Variants in HNRNPU observed in about 807,000 individuals in gnomAD.
HNRNPU encodes the protein heterogeneous nuclear ribonucleoprotein U, also known as HNRNPU antisense RNA 1.
In HNRNPU, 5 loss-of-function variants were observed where a neutral mutation model predicts 94.7. The ratio of observed to expected loss-of-function variants is 0.05; its 90% CI spans 0.03 to 0.11. The LOEUF is 0.11. Ranked by LOEUF, HNRNPU falls within the 10% of genes least tolerant of loss-of-function variation. The probability of loss-of-function intolerance (pLI) is 1.00; values close to 1 mark genes in which losing one functional copy is unlikely to be tolerated. For synonymous variants in HNRNPU, 434 were observed against 381.6 expected, an observed-to-expected ratio of 1.14 and a Z score of -1.60; for missense variants, 710 against 1,049.2, an observed-to-expected ratio of 0.68 and a Z score of 4.47.
chr1:244,862,031 G>A (rs1680843912), intron 3 of HNRNPU: 1 of 154,514 alleles, frequency 6.5e-6, no homozygotes, highest in Admixed American at 6.5e-5. Flanking sequence ...TTTTAAAATA[G>A]GGAATATACT....
chr1:244,855,112 A>C, intron 12 of HNRNPU, 68 bp from the exon 13 acceptor site: 1 of 1,257,054 alleles, frequency 8.0e-7, no homozygotes, highest in Non-Finnish European at 1.2e-6. Flanking sequence ...GGGGTGAGAG[A>C]GAGGAGCAGA....
rs1225658657 is a variant in HNRNPU at position 244,864,069 on chromosome 1, G to A, written c.239C>T (p.Ala80Val). The A allele has an allele frequency of 6.2e-7, 1 of 1,602,258 alleles. No homozygotes were observed. The highest frequency in any genetic ancestry group is 1.1e-5 in the South Asian group (1 of 89,954). The change falls in exon 1 of 14, where the codon GCC becomes GTC. Residue 80 changes from alanine to valine, a missense_variant. Physicochemically the swap from Ala to Val is moderately conservative, Grantham distance 64. This residue lies in a region of HNRNPU where 292 missense variants were observed against 293.4 expected (regional missense o/e 1.00). Coordinates refer to ENST00000640218, the MANE Select transcript of HNRNPU (RefSeq NM_031844.3). ...SGAGLEQEAAAGGDEEEEEEE... is the reference protein window; with the variant it reads ...SGAGLEQEAAVGGDEEEEEEE... ...TTCCTCCTCCTCTTCATCGCCGCCG[G>A]CCGCGGCCTCCTGCTCGAGGCCTGC... is the stretch of plus-strand genomic sequence containing the variant.
At chr1:244,862,785 T>C in intron 1 of HNRNPU, 55 bp from the exon 2 acceptor site, 1 of 1,352,038 alleles carries the variant, frequency 7.4e-7, no homozygotes, top group Non-Finnish European at 1.1e-6. Flanking sequence ...AAAAAAACGC[T>C]TTTCCGTTCC....
At chr1:244,857,057 G>C (rs917115988) in intron 8 of HNRNPU, 4 of 448,172 alleles carry the variant, frequency 8.9e-6, no homozygotes, top group African/African-American at 4.1e-5. Context: ...TTAGCTGCTA[G>C]ATGTTAAGAG....
chr1:244,855,533 C>G lies in HNRNPU; in HGVS notation c.2243G>C (p.Gly748Ala). The stretch of plus-strand genomic sequence containing the variant: ...GGCACGAGGGTATGGATAGCCGATT[C>G]CACCACTTCCTCCACCGCCACCACC... ...QRGGGGGGSG[G>A]IGYPYPRAPV... The change falls in exon 12 of 14, where the codon GGA (glycine) becomes GCA (alanine). Residue 748 changes from glycine to alanine, a missense_variant. Gly to Ala is a moderately conservative substitution (Grantham distance 60). Coordinates refer to ENST00000640218, the MANE Select transcript of HNRNPU (RefSeq NM_031844.3). 1 of 1,614,044 alleles carries G rather than the reference C, an allele frequency of 6.2e-7. No individual in the cohort carries two copies. Among genetic ancestry groups the G allele is most frequent in the Non-Finnish European group, 8.5e-7 (1 of 1,179,944 alleles).
chr1:244,857,747 C>T lies in HNRNPU; in HGVS notation c.1495-30G>A, dbSNP rs781495320. The T allele has an allele frequency of 5.0e-6, 8 of 1,607,390 alleles. No homozygotes were observed. The South Asian group carries it at 7.8e-5, about 16-fold the overall frequency. ...TGAAAAGAAAAGAAATGTCATTTCA[C>T]TGTCAGTAGACACCACCTAATAATT... is the stretch of plus-strand genomic sequence containing the variant. On this transcript the variant is annotated intron_variant, in intron 7 of 13. Transcript: ENST00000640218.
Position 244,858,777 on chromosome 1 carries a change from T to G in HNRNPU, c.1182A>C (p.Glu394Asp). ...TTTCATCAAACTTTTCTCCATAATC[T>G]TCAGTCTCACAGTTGCATGTTTTTA... is the stretch of plus-strand genomic sequence containing the variant. ...KGIKTCNCET[E>D]DYGEKFDEND... Residue 394 changes from glutamate (E) to aspartate (D), a missense_variant, in exon 6 of 14, where the codon GAA becomes GAC. Coordinates refer to ENST00000640218, the MANE Select transcript of HNRNPU (RefSeq NM_031844.3). 1 of 1,599,578 alleles carries G rather than the reference T, an allele frequency of 6.3e-7. No homozygotes were observed. Among genetic ancestry groups the G allele is most frequent in the Non-Finnish European group, 8.6e-7 (1 of 1,167,492 alleles).
Position 244,862,703 on chromosome 1 carries a change from C to G in HNRNPU, c.719G>C (p.Gly240Ala), listed in dbSNP as rs1558189636. 1 of 1,614,090 alleles carries G rather than the reference C, an allele frequency of 6.2e-7. No homozygotes were observed. Among genetic ancestry groups the G allele is most frequent in the African/African-American group, 1.3e-5 (1 of 75,034 alleles). The part of the protein sequence containing the change: ...AGDGKTEQKG[G>A]DKKRGVKRPR... ...TCTTTTAACACCCCTCTTTTTATCT[C>G]CGCCTTTCTGTTCTGTTTTGCCGTC... is the stretch of plus-strand genomic sequence containing the variant. Residue 240 changes from glycine to alanine, a missense_variant, in exon 2 of 14, where the codon GGA (glycine) becomes GCA (alanine). By Grantham distance (60) the Gly-to-Ala change is moderately conservative (BLOSUM62 0). Coordinates refer to ENST00000640218, the MANE Select transcript of HNRNPU (RefSeq NM_031844.3).
intron 12 of HNRNPU, 85 bp downstream of exon 12, chr1:244,855,339 A>AACAC (rs1197777329): frequency 5.6e-5 from 72 of 1,275,264 alleles, no homozygotes; most frequent in Admixed American, 7.4e-5. Flanking sequence ...CTTACGGATT[A>AACAC]CTAAGACACC....
At chr1:244,860,840 T>C (rs1345674782) in intron 3 of HNRNPU, 1 of 255,680 alleles carries the variant, frequency 3.9e-6, no homozygotes, top group Non-Finnish European at 7.4e-6. Flanking sequence ...CAGAACCAGG[T>C]AGATTTACCA....
intron 11 of HNRNPU, 145 bp from the exon 12 acceptor site, chr1:244,855,753 C>A: frequency 8.0e-7 from 1 of 1,246,144 alleles, no homozygotes; most frequent in Non-Finnish European, 1.1e-6. Context: ...ATTAACATAA[C>A]CTAGGTGTAT....
At chr1:244,860,252 G>C (rs1043360510) in intron 4 of HNRNPU, 83 bp downstream of exon 4, 59 of 1,249,612 alleles carry the variant, frequency 4.7e-5, no homozygotes, top group Non-Finnish European at 6.3e-5. Flanking sequence ...AGTGAGCCTA[G>C]GTCGCACCAC....
chr1:244,862,902 T>A, intron 1 of HNRNPU, 172 bp from the exon 2 acceptor site: 1 of 640,196 alleles, frequency 1.6e-6, no homozygotes, highest in South Asian at 1.8e-5. Flanking sequence ...TTGGCGCTAG[T>A]GACGCAGTCT....
In HNRNPU at chr1:244,863,647, C is replaced by G; in HGVS notation, c.661G>C (p.Gly221Arg). 1 of 1,552,258 alleles carries G rather than the reference C, an allele frequency of 6.4e-7. No homozygotes were observed. Among genetic ancestry groups the G allele is most frequent in the Non-Finnish European group, 8.6e-7 (1 of 1,161,896 alleles). ...GCCGGAGCCCCGGGGCGACCGCCGC[C>G]TCCGCCGCCTTCCGCCTTCTTCTTA... Reference protein sequence around the residue: ...GGKKKAEGGGGGGRPGAPAAG... With the variant: ...GGKKKAEGGGRGGRPGAPAAG... Residue 221 changes from glycine to arginine, a missense_variant, in exon 1 of 14, where the codon GGC becomes CGC. Coordinates refer to ENST00000640218, the MANE Select transcript of HNRNPU (RefSeq NM_031844.3).
In HNRNPU at chr1:244,856,718, T is replaced by G. The variant is rs75053711; in HGVS notation, c.1743+10A>C. On this transcript the variant is annotated intron_variant, in intron 9 of 13. Transcript: ENST00000640218. Reference sequence around the variant, plus strand: ...AGTTAATATTTTTCAATTTCAAAGCTACAGCGTACCTGATCCAGAATAAAA... The same window carrying G: ...AGTTAATATTTTTCAATTTCAAAGCGACAGCGTACCTGATCCAGAATAAAA... The G allele has an allele frequency of 2.7e-3, 4,319 of 1,609,452 alleles. 176 individuals carry two copies. In the East Asian group the frequency reaches 0.08, roughly 30 times the overall value.
rs572657192 is a variant in HNRNPU at position 244,859,450 on chromosome 1, G to T, written c.1018-76C>A. Reference sequence around the variant, plus strand: ...CCTTAACTCTCGCATATTTCATTGCGCCACGGGCTAATCTTCCTCTAGCTA... The same window carrying T: ...CCTTAACTCTCGCATATTTCATTGCTCCACGGGCTAATCTTCCTCTAGCTA... On this transcript the variant is annotated intron_variant, in intron 4 of 13. Coordinates refer to ENST00000640218, the MANE Select transcript of HNRNPU (RefSeq NM_031844.3). 3 of 714,606 alleles carry T rather than the reference G, an allele frequency of 4.2e-6. No homozygotes were observed. In the East Asian group the frequency reaches 7.8e-5, roughly 19 times the overall value. The allele number at this position is 714,606 out of a possible 1,614,324, so 44.3% of individuals were successfully genotyped here. A position where few individuals can be genotyped will look rare whatever the true frequency, so the allele number is the denominator to read the frequency against.
intron 5 of HNRNPU, 24 bp downstream of exon 5, chr1:244,859,251 A>AC: frequency 8.4e-7 from 1 of 1,193,586 alleles, no homozygotes; most frequent in Non-Finnish European, 1.3e-6. Context: ...TCATGAGCCC[A>AC]CATCAGTCAA....
chr1:244,855,660 C>T, intron 11 of HNRNPU, 52 bp from the exon 12 acceptor site: 1 of 1,570,850 alleles, frequency 6.4e-7, no homozygotes, highest in Non-Finnish European at 8.7e-7. Context: ...CCTACTTATA[C>T]AGAAGACTTA....
intron 4 of HNRNPU, chr1:244,859,958 T>A: frequency 5.9e-6 from 1 of 169,832 alleles, no homozygotes; most frequent in Non-Finnish European, 1.2e-5. Flanking sequence ...AGCTTAGGAG[T>A]TCAAGACCAG....
Sources: allele counts gnomAD v4.1 joint callset, GRCh38; gene constraint gnomAD v4.1.1; regional missense constraint gnomAD v4.1.1; transcripts MANE v1.5; gene names NCBI Gene and HGNC (gene_info 2026-07-23, HGNC 2026-07-21).